EYA4: variants seen among roughly 807,000 people sequenced by gnomAD.
EYA4 encodes protein phosphatase EYA4.
A neutral mutation model predicts 87.9 loss-of-function variants in EYA4; 31 were observed. That is an observed-to-expected ratio of 0.35 (90% CI 0.27 to 0.48). EYA4 has a LOEUF of 0.48. Among genes scored for constraint, EYA4 ranks in the 20% least tolerant of loss-of-function variants. EYA4 has a pLI of 0.99. For missense variants in EYA4, 678 were observed against 761.4 expected (o/e 0.89, Z 1.29); for synonymous variants, 263 against 270.6 (o/e 0.97, Z 0.28).
chr6:133,359,032 G>A (rs1323720129), intron 2 of EYA4, among the ~76,000 whole-genome samples: 1 of 152,112 alleles, frequency 6.6e-6, no homozygotes, highest in African/African-American at 2.4e-5. Context: ...AGAAAAAAAA[G>A]GCCCTTTTTG....
chr6:133,426,505 T>C (rs939755483), intron 3 of EYA4, among the ~76,000 whole-genome samples: 1 of 152,228 alleles, frequency 6.6e-6, no homozygotes, highest in Non-Finnish European at 1.5e-5. Context: ...CTAACCTATG[T>C]CAGTAAATTA....
intron 1 of EYA4, among the ~76,000 whole-genome samples, chr6:133,243,998 C>A (rs1774198124): frequency 6.6e-6 from 1 of 152,228 alleles, no homozygotes; most frequent in East Asian, 1.9e-4. Flanking sequence ...GTAAGTCATT[C>A]AAAGTTAAAC....
chr6:133,425,176 T>C (rs889884132), intron 3 of EYA4, among the ~76,000 whole-genome samples: 1 of 150,786 alleles, frequency 6.6e-6, no homozygotes, highest in African/African-American at 2.5e-5. Context: ...AGAATATATA[T>C]ATGCGCCTAT....
At chr6:133,434,576 T>C (rs1017913257) in intron 3 of EYA4, among the ~76,000 whole-genome samples, 22 of 152,126 alleles carry the variant, frequency 1.4e-4, no homozygotes, top group Admixed American at 5.9e-4. Context: ...TGAGGCAGAG[T>C]TTAAAATTCA....
intron 2 of EYA4, among the ~76,000 whole-genome samples, chr6:133,279,709 A>G (rs898486144): frequency 1.3e-5 from 2 of 152,044 alleles, no homozygotes; most frequent in Non-Finnish European, 2.9e-5. Flanking sequence ...GACTTTGATT[A>G]GTCCTCAGAT....
chr6:133,529,033 T>A lies in EYA4; in HGVS notation c.*228T>A, dbSNP rs1800851566. Reference sequence around the variant, plus strand: ...ATTTACAACACTTTAATGGGTTTTTTAAAAATCTGTGGAGGTTGCTGGTAC... The same window carrying A: ...ATTTACAACACTTTAATGGGTTTTTAAAAAATCTGTGGAGGTTGCTGGTAC... On this transcript the variant is annotated 3_prime_UTR_variant, in exon 20 of 20. Coordinates refer to ENST00000355286, the MANE Select transcript of EYA4 (RefSeq NM_004100.5). The A allele has an allele frequency of 6.1e-6, 8 of 1,306,162 alleles. No homozygotes were observed. The highest frequency in any genetic ancestry group is 1.5e-5 in the South Asian group (1 of 64,840). 80.9% of individuals were successfully genotyped at this position (1,306,162 alleles called of 1,614,324 possible). A position where few individuals can be genotyped will look rare whatever the true frequency, so the allele number is the denominator to read the frequency against.
At chr6:133,324,493 T>C (rs547750160) in intron 2 of EYA4, among the ~76,000 whole-genome samples, 1 of 152,314 alleles carries the variant, frequency 6.6e-6, no homozygotes, top group East Asian at 1.9e-4. Context: ...GTATTTATTA[T>C]TTTAAAAGTT....
chr6:133,324,754 C>T (rs1365469902), intron 2 of EYA4, among the ~76,000 whole-genome samples: 1 of 151,706 alleles, frequency 6.6e-6, no homozygotes, highest in African/African-American at 2.4e-5. Flanking sequence ...TGAACTTCAT[C>T]GAGTATGGAT....
chr6:133,451,769 C>T (rs58450371), intron 5 of EYA4, among the ~76,000 whole-genome samples: 8,394 of 152,056 alleles, frequency 0.055, 686 homozygotes, highest in African/African-American at 0.17. Context: ...GAAACAACTT[C>T]AAAGAAAAGG....
intron 2 of EYA4, among the ~76,000 whole-genome samples, chr6:133,290,987 G>A (rs1260206727): frequency 2.6e-5 from 4 of 152,046 alleles, no homozygotes; most frequent in African/African-American, 9.7e-5. Context: ...ACAATTGGTG[G>A]ATCAGGGTCA....
chr6:133,528,741 G>T lies in EYA4; in HGVS notation c.1856G>T (p.Trp619Leu). The T allele has an allele frequency of 6.2e-7, 1 of 1,613,032 alleles. No individual in the cohort carries two copies. Among genetic ancestry groups the T allele is most frequent in the Non-Finnish European group, 8.5e-7 (1 of 1,179,194 alleles). Residue 619 changes from tryptophan (W) to leucine (L), a missense_variant, in exon 20 of 20, where the codon TGG becomes TTG. Trp to Leu is a moderately conservative substitution (Grantham distance 61). Coordinates refer to ENST00000355286, the MANE Select transcript of EYA4 (RefSeq NM_004100.5). ...QAAKKHNMPF[W>L]RISSHSDLLA... ...ACCACACAGCACAACATGCCCTTCT[G>T]GAGGATATCCAGTCACTCAGACCTC... is the stretch of plus-strand genomic sequence containing the variant.
chr6:133,398,004 G>A (rs1205179638), intron 3 of EYA4, among the ~76,000 whole-genome samples: 1 of 152,098 alleles, frequency 6.6e-6, no homozygotes, highest in Non-Finnish European at 1.5e-5. Context: ...ACAGTGCATT[G>A]TTTTGTGTGT....
At chr6:133,347,452 T>C (rs750935282) in intron 2 of EYA4, among the ~76,000 whole-genome samples, 29 of 152,192 alleles carry the variant, frequency 1.9e-4, no homozygotes, top group South Asian at 4.1e-4. Context: ...AAAATGGAGA[T>C]TTACAGTGGT....
Position 133,446,615 on chromosome 6 carries a change from T to C in EYA4, c.84-15T>C. On this transcript the variant is annotated splice_polypyrimidine_tract_variant and intron_variant, in intron 3 of 19. Transcript: ENST00000355286. The stretch of plus-strand genomic sequence containing the variant: ...TGCAATTTCAACTTTTCTCTGCTGC[T>C]TACTGCTCTACCAGGTCTATGGAAA... 6.2e-7 allele frequency: 1 copy of C among 1,613,878 alleles called. No individual in the cohort carries two copies. The highest frequency in any genetic ancestry group is 8.5e-7 in the Non-Finnish European group (1 of 1,179,850).
chr6:133,279,006 T>C (rs941277813), intron 2 of EYA4, among the ~76,000 whole-genome samples: 5 of 152,102 alleles, frequency 3.3e-5, no homozygotes, highest in African/African-American at 1.2e-4. Context: ...ATGAGCAATA[T>C]TTATTATTTT....
At chr6:133,322,508 G>A (rs1348249901) in intron 2 of EYA4, among the ~76,000 whole-genome samples, 1 of 152,162 alleles carries the variant, frequency 6.6e-6, no homozygotes, top group Admixed American at 6.5e-5. Flanking sequence ...AAAGAAATGT[G>A]TGTATGAGTA....
At chr6:133,249,542 C>T (rs73776003) in intron 1 of EYA4, among the ~76,000 whole-genome samples, 4,556 of 152,254 alleles carry the variant, frequency 0.03, 210 homozygotes, top group African/African-American at 0.1. Flanking sequence ...TACTGAGAAC[C>T]TTGCTCAGGT....
intron 1 of EYA4, among the ~76,000 whole-genome samples, chr6:133,259,273 G>T (rs572004): frequency 0.78 from 118,199 of 152,156 alleles, 46,468 homozygotes; most frequent in African/African-American, 0.89. Flanking sequence ...AGGAATGACA[G>T]GAATGACAGC....
chr6:133,516,244 G>A (rs1027885199), intron 17 of EYA4, among the ~76,000 whole-genome samples: 5 of 152,100 alleles, frequency 3.3e-5, no homozygotes, highest in African/African-American at 1.2e-4. Flanking sequence ...TGAGGGTGAA[G>A]GGTAGGAGGA....
Sources: allele counts gnomAD v4.1 joint callset (sites outside exome capture counted in the v4.1 genomes callset), GRCh38; gene constraint gnomAD v4.1.1; transcripts MANE v1.5; gene names NCBI Gene and HGNC (gene_info 2026-07-23, HGNC 2026-07-21).